The following NMT2 variants were observed in gnomAD, a reference collection of about 807,000 sequenced individuals.
NMT2 encodes the protein N-myristoyltransferase 2.
In NMT2, 35 loss-of-function variants were observed where a neutral mutation model predicts 65.4. That is an observed-to-expected ratio of 0.54 (90% CI 0.41 to 0.71). The LOEUF is 0.71. Among genes scored for constraint, NMT2 ranks in the 30% least tolerant of loss-of-function variants. NMT2 has a pLI of 0.00. For synonymous variants in NMT2, 226 were observed against 231.8 expected (o/e 0.98, Z 0.23); for missense variants, 489 against 611.3 (o/e 0.80, Z 2.11).
chr10:15,168,459 G>T (rs746009396), intron 1 of NMT2, 44 bp downstream of exon 1: 5 of 1,470,732 alleles, frequency 3.4e-6, no homozygotes, highest in Non-Finnish European at 4.7e-6. Context: ...GGCGCGCGCG[G>T]TCCCCGCCCT....
In NMT2 at chr10:15,132,917, C is replaced by T; in HGVS notation, c.619G>A (p.Gly207Ser). The T allele has an allele frequency of 6.2e-7, 1 of 1,612,954 alleles. No homozygotes were observed. The highest frequency in any genetic ancestry group is 8.5e-7 in the Non-Finnish European group (1 of 1,179,346). ...EFLLWALRPP[G>S]WLLQWHCGVR... ...CCACAGTGCCACTGCAGGAGCCAGC[C>T]TGGTGGACGCAGAGCCCTGAGGTCA... Residue 207 changes from glycine to serine, a missense_variant, in exon 6 of 12, where the codon GGC (glycine) becomes AGC (serine). By Grantham distance (56) the Gly-to-Ser change is moderately conservative (BLOSUM62 0). Transcript: ENST00000378165.
chr10:15,119,615 C>T, intron 8 of NMT2, 102 bp from the exon 9 acceptor site: 1 of 899,322 alleles, frequency 1.1e-6, no homozygotes, highest in Non-Finnish European at 1.8e-6. Flanking sequence ...GAATGAGCAG[C>T]ACGCGGGAGC....
chr10:15,135,447 T>A (rs372948252), intron 2 of NMT2, 29 bp from the exon 3 acceptor site: 125 of 1,607,146 alleles, frequency 7.8e-5, no homozygotes, highest in Non-Finnish European at 9.8e-5. Flanking sequence ...ACACAGAATA[T>A]GAGAGAGCGG....
rs542022458 is a variant in NMT2 at position 15,142,519 on chromosome 10, G to A, written c.111-962C>T. ...GGAGGTTGCAGTGAGCCAAGATTGT[G>A]CCACTGCACTCTGGCCTGGGCAACA... On this transcript the variant is annotated intron_variant, in intron 1 of 11. Transcript: ENST00000378165. Among the ~76,000 whole-genome samples the A allele has an allele frequency of 1.9e-3, 283 of 152,332 alleles. 1 individual carries two copies. Among genetic ancestry groups the A allele is most frequent in the African/African-American group, 6.3e-3 (261 of 41,574 alleles).
intron 1 of NMT2, among the ~76,000 whole-genome samples, chr10:15,156,249 G>C (rs1466435327): frequency 6.6e-6 from 1 of 152,020 alleles, no homozygotes; most frequent in South Asian, 2.1e-4. Flanking sequence ...CTCATGACAG[G>C]GAATGAGTTC....
chr10:15,151,492 G>C (rs1196113400), intron 1 of NMT2, among the ~76,000 whole-genome samples: 4 of 152,196 alleles, frequency 2.6e-5, no homozygotes, highest in Admixed American at 1.3e-4. Flanking sequence ...CTCACATGAA[G>C]TTTAGTTTGT....
At chr10:15,147,332 G>A (rs917684321) in intron 1 of NMT2, among the ~76,000 whole-genome samples, 10 of 152,082 alleles carry the variant, frequency 6.6e-5, no homozygotes, top group African/African-American at 2.2e-4. Flanking sequence ...AAAATGGTGG[G>A]AATATAGCTG....
In NMT2 at chr10:15,128,435, G is replaced by A. The variant is rs1846171044; in HGVS notation, c.914C>T (p.Pro305Leu). Residue 305 changes from proline to leucine, a missense_variant, in exon 8 of 12, where the codon CCC (proline) becomes CTC (leucine). Pro to Leu is a moderately conservative substitution (Grantham distance 98). Transcript: ENST00000378165. Reference protein sequence around the residue: ...TCRYWHRSLNPRKLVEVKFSH... With the variant: ...TCRYWHRSLNLRKLVEVKFSH... ...AAATTTCACTTCTACCAATTTTCTG[G>A]GGTTTAGTGATCGATGCCAGTATCT... is the stretch of plus-strand genomic sequence containing the variant. 1 of 1,607,334 alleles carries A rather than the reference G, an allele frequency of 6.2e-7. No individual in the cohort carries two copies. Among genetic ancestry groups the A allele is most frequent in the Non-Finnish European group, 8.5e-7 (1 of 1,174,094 alleles).
Position 15,108,406 on chromosome 10 carries a change from C to T in NMT2, c.*789G>A, listed in dbSNP as rs1386882466. 3.6e-5 allele frequency: 23 copies of T among 637,340 alleles called. No individual in the cohort carries two copies. In the East Asian group the frequency reaches 8.3e-4, roughly 23 times the overall value. The allele number at this position is 637,340 out of a possible 1,614,324, so 39.5% of individuals were successfully genotyped here. A position where few individuals can be genotyped will look rare whatever the true frequency, so the allele number is the denominator to read the frequency against. On this transcript the variant is annotated 3_prime_UTR_variant, in exon 12 of 12. Coordinates refer to ENST00000378165, the MANE Select transcript of NMT2 (RefSeq NM_004808.3). Reference sequence around the variant, plus strand: ...TTCACTATGTTGGCCAGAATGGTCTCGATCTCCTGACCTCATGATCTGCCC... The same window carrying T: ...TTCACTATGTTGGCCAGAATGGTCTTGATCTCCTGACCTCATGATCTGCCC...
intron 8 of NMT2, among the ~76,000 whole-genome samples, chr10:15,121,390 G>A (rs576739520): frequency 2.0e-5 from 3 of 152,204 alleles, no homozygotes; most frequent in South Asian, 2.1e-4. Context: ...TTTTTGAGAC[G>A]GAGTCTCACT....
intron 8 of NMT2, among the ~76,000 whole-genome samples, chr10:15,122,916 GTTA>G (rs910253613): frequency 1.3e-5 from 2 of 151,012 alleles, no homozygotes; most frequent in Non-Finnish European, 2.9e-5. Context: ...ACATACTAGT[GTTA>G]TTATGAAAAT....
In NMT2 at chr10:15,108,059, C is replaced by A. The variant is rs1473503405; in HGVS notation, c.*1136G>T. 2.0e-6 allele frequency: 2 copies of A among 985,640 alleles called. No individual in the cohort carries two copies. The highest frequency in any genetic ancestry group is 3.5e-5 in the African/African-American group (2 of 57,226). The allele number at this position is 985,640 out of a possible 1,614,324, so 61.1% of individuals were successfully genotyped here. A position where few individuals can be genotyped will look rare whatever the true frequency, so the allele number is the denominator to read the frequency against. ...ATGCCCTGATAGCACGAATAAGTTC[C>A]ACCAGGCATCTCTTTTGACTTTACA... On this transcript the variant is annotated 3_prime_UTR_variant, in exon 12 of 12. Transcript: ENST00000378165.
chr10:15,115,062 A>C (rs1845701047), intron 9 of NMT2, among the ~76,000 whole-genome samples: 1 of 152,202 alleles, frequency 6.6e-6, no homozygotes, highest in South Asian at 2.1e-4. Context: ...AGTCTCACAC[A>C]AATGGAAACC....
chr10:15,153,202 CTT>C (rs1379529306), intron 1 of NMT2, among the ~76,000 whole-genome samples: 1 of 152,202 alleles, frequency 6.6e-6, no homozygotes. Flanking sequence ...CAGAGGATCA[CTT>C]GAAGTCAGGA....
At chr10:15,131,449 C>T (rs1846283268) in intron 6 of NMT2, among the ~76,000 whole-genome samples, 1 of 151,912 alleles carries the variant, frequency 6.6e-6, no homozygotes, top group Non-Finnish European at 1.5e-5. Flanking sequence ...ACGACCTGCC[C>T]GTCTTTAAGT....
rs963334938 is a variant in NMT2 at position 15,108,006 on chromosome 10, A to T, written c.*1189T>A. 59 of 985,712 alleles carry T rather than the reference A, an allele frequency of 6.0e-5. No individual in the cohort carries two copies. Among genetic ancestry groups the T allele is most frequent in the Non-Finnish European group, 6.9e-5 (57 of 829,924 alleles). The allele number at this position is 985,712 out of a possible 1,614,324, so 61.1% of individuals were successfully genotyped here. A position where few individuals can be genotyped will look rare whatever the true frequency, so the allele number is the denominator to read the frequency against. Reference sequence around the variant, plus strand: ...CATAGAGGAGTATGTGCAATTTTGCATAAGTAATAAAAACATTCAAACTAT... The same window carrying T: ...CATAGAGGAGTATGTGCAATTTTGCTTAAGTAATAAAAACATTCAAACTAT... On this transcript the variant is annotated 3_prime_UTR_variant, in exon 12 of 12. Transcript: ENST00000378165.
chr10:15,155,967 T>A (rs570024330), intron 1 of NMT2, among the ~76,000 whole-genome samples: 8 of 152,164 alleles, frequency 5.3e-5, no homozygotes, highest in Non-Finnish European at 8.8e-5. Context: ...CAGGGTGGGA[T>A]GGCCCCAGAT....
chr10:15,159,810 G>C (rs1298910852), intron 1 of NMT2, among the ~76,000 whole-genome samples: 2 of 152,206 alleles, frequency 1.3e-5, no homozygotes, highest in African/African-American at 4.8e-5. Context: ...TCTCCCATTT[G>C]TGATTGTGGA....
At chr10:15,154,001 C>A (rs1434433491) in intron 1 of NMT2, among the ~76,000 whole-genome samples, 1 of 152,168 alleles carries the variant, frequency 6.6e-6, no homozygotes, top group African/African-American at 2.4e-5. Flanking sequence ...TGCGTGGGCT[C>A]CAGTCCCAAA....
Sources: gnomAD v4.1 joint callset for allele counts (sites outside exome capture counted in the v4.1 genomes callset) on GRCh38, gnomAD v4.1.1 for gene constraint, MANE v1.5 for transcripts, NCBI Gene and HGNC (gene_info 2026-07-23, HGNC 2026-07-21) for gene names.